Variants in CNTNAP2 observed in about 807,000 individuals in gnomAD.
CNTNAP2 encodes the protein contactin-associated protein-like 2.
CNTNAP2 carries 98 observed loss-of-function variants against 155.2 expected under a neutral mutation model. The ratio of observed to expected loss-of-function variants is 0.63; its 90% CI spans 0.54 to 0.75. The LOEUF (loss-of-function observed/expected upper bound fraction) is 0.75. Ranked by LOEUF, CNTNAP2 falls within the 30% of genes least tolerant of loss-of-function variation. The pLI, the probability that CNTNAP2 is intolerant of heterozygous loss-of-function variation, is 0.00. For synonymous variants in CNTNAP2, 651 were observed against 631.2 expected (o/e 1.03, Z -0.47); for missense variants, 1,727 against 1,688.1 (o/e 1.02, Z -0.40).
chr7:147,508,354 G>C (rs1199589646), intron 11 of CNTNAP2, among the ~76,000 whole-genome samples: 1 of 151,476 alleles, frequency 6.6e-6, no homozygotes, highest in Non-Finnish European at 1.5e-5. Context: ...ACTGAAGCCA[G>C]TAATCTAGCC....
At chr7:146,633,383 A>G (rs1799541284) in intron 1 of CNTNAP2, among the ~76,000 whole-genome samples, 1 of 152,170 alleles carries the variant, frequency 6.6e-6, no homozygotes, top group Admixed American at 6.5e-5. Flanking sequence ...GTACCATTCT[A>G]CAGCATTTCT....
chr7:146,248,669 G>A (rs954129731), intron 1 of CNTNAP2, among the ~76,000 whole-genome samples: 6 of 152,186 alleles, frequency 3.9e-5, no homozygotes, highest in Non-Finnish European at 7.3e-5. Context: ...GCTGCTTACC[G>A]GATTTTAAAT....
At chr7:147,342,617 C>G (rs907448437) in intron 9 of CNTNAP2, among the ~76,000 whole-genome samples, 3 of 152,224 alleles carry the variant, frequency 2.0e-5, no homozygotes, top group African/African-American at 7.2e-5. Context: ...CAGTGAAACC[C>G]GTAGCAATTT....
At chr7:147,927,401 A>G (rs1375746178) in intron 14 of CNTNAP2, among the ~76,000 whole-genome samples, 1 of 152,200 alleles carries the variant, frequency 6.6e-6, no homozygotes, top group Non-Finnish European at 1.5e-5. Flanking sequence ...ATTTAACCTA[A>G]GAGTTGTAAA....
At chr7:146,121,706 G>A (rs558991933) in intron 1 of CNTNAP2, among the ~76,000 whole-genome samples, 1 of 152,232 alleles carries the variant, frequency 6.6e-6, no homozygotes, top group African/African-American at 2.4e-5. Flanking sequence ...ATCTGTACCA[G>A]TATCTGAAAC....
At chr7:147,679,841 T>G (rs1027604650) in intron 13 of CNTNAP2, among the ~76,000 whole-genome samples, 1 of 151,916 alleles carries the variant, frequency 6.6e-6, no homozygotes, top group Non-Finnish European at 1.5e-5. Flanking sequence ...CAGAACTCCT[T>G]AAAAATAAAC....
chr7:147,284,933 T>C (rs1223471363), intron 8 of CNTNAP2, among the ~76,000 whole-genome samples: 1 of 151,866 alleles, frequency 6.6e-6, no homozygotes, highest in Non-Finnish European at 1.5e-5. Context: ...TGTAGAAGAA[T>C]AAGTAGTAGA....
intron 19 of CNTNAP2, among the ~76,000 whole-genome samples, chr7:148,222,557 T>TCTATGAATA (rs143336286): frequency 0.052 from 7,841 of 152,146 alleles, 251 homozygotes; most frequent in Middle Eastern, 0.11. Flanking sequence ...AATGGATCAT[T>TCTATGAATA]CCATGAATCT....
At chr7:147,501,319 G>A (rs1036623004) in intron 11 of CNTNAP2, among the ~76,000 whole-genome samples, 7 of 151,820 alleles carry the variant, frequency 4.6e-5, no homozygotes, top group African/African-American at 1.7e-4. Context: ...CAAGGATCAG[G>A]AAAAAGACAA....
At chr7:148,293,145 CTT>C in intron 21 of CNTNAP2, among the ~76,000 whole-genome samples, 2 of 152,162 alleles carry the variant, frequency 1.3e-5, no homozygotes, top group Middle Eastern at 3.4e-3. Flanking sequence ...CTAATGCTTT[CTT>C]TTTCTTTGTA....
chr7:146,307,064 T>G (rs939406498), intron 1 of CNTNAP2, among the ~76,000 whole-genome samples: 2 of 152,154 alleles, frequency 1.3e-5, no homozygotes, highest in Non-Finnish European at 2.9e-5. Flanking sequence ...GATGACATGA[T>G]TGTATATTTA....
At chr7:147,517,237 A>G (rs1799144087) in intron 11 of CNTNAP2, among the ~76,000 whole-genome samples, 1 of 152,090 alleles carries the variant, frequency 6.6e-6, no homozygotes. Context: ...AAAATTGTGA[A>G]ATGGGATCTG....
intron 8 of CNTNAP2, among the ~76,000 whole-genome samples, chr7:147,295,175 T>G (rs758813467): frequency 6.6e-6 from 1 of 152,090 alleles, no homozygotes; most frequent in Non-Finnish European, 1.5e-5. Flanking sequence ...CTGTATGAGA[T>G]ATGGCTATCC....
intron 13 of CNTNAP2, among the ~76,000 whole-genome samples, chr7:147,696,485 T>A (rs1011443486): frequency 6.6e-6 from 1 of 152,200 alleles, no homozygotes; most frequent in African/African-American, 2.4e-5. Context: ...CCCTCCTCCA[T>A]ATACATAGAG....
chr7:146,240,531 T>C (rs1799543785), intron 1 of CNTNAP2, among the ~76,000 whole-genome samples: 1 of 151,484 alleles, frequency 6.6e-6, no homozygotes, highest in African/African-American at 2.4e-5. Flanking sequence ...TAAATATATT[T>C]ATATATAAAT....
chr7:147,342,415 T>C (rs1795781015), intron 9 of CNTNAP2, among the ~76,000 whole-genome samples: 1 of 152,226 alleles, frequency 6.6e-6, no homozygotes, highest in African/African-American at 2.4e-5. Context: ...TTAATGATAA[T>C]AATGTTACAT....
At chr7:147,004,854 T>C (rs1798496428) in intron 3 of CNTNAP2, among the ~76,000 whole-genome samples, 1 of 152,036 alleles carries the variant, frequency 6.6e-6, no homozygotes, top group Non-Finnish European at 1.5e-5. Flanking sequence ...ACGAATCAAC[T>C]AGATAATATG....
At position 147,128,944 on chromosome 7, in the gene CNTNAP2, T is replaced by C; in HGVS notation, c.1083+108T>C. On this transcript the variant is annotated intron_variant, in intron 7 of 23. Coordinates refer to ENST00000361727, the MANE Select transcript of CNTNAP2 (RefSeq NM_014141.6). ...ATCATGACATTTTTCATCATATTTGTGTTTGGGCAAAATGATGTAAAACAA... is the reference window on the plus strand; with the variant it reads ...ATCATGACATTTTTCATCATATTTGCGTTTGGGCAAAATGATGTAAAACAA... 4.9e-6 allele frequency: 7 copies of C among 1,432,144 alleles called. No homozygotes were observed. In the South Asian group the frequency reaches 8.1e-5, roughly 17 times the overall value. The allele number at this position is 1,432,144 out of a possible 1,614,324, so 88.7% of individuals were successfully genotyped here. A position where few individuals can be genotyped will look rare whatever the true frequency, so the allele number is the denominator to read the frequency against.
intron 4 of CNTNAP2, among the ~76,000 whole-genome samples, chr7:147,103,120 G>T (rs1284376134): frequency 6.6e-6 from 1 of 152,132 alleles, no homozygotes; most frequent in Non-Finnish European, 1.5e-5. Context: ...AGAAATATGA[G>T]TGACAACATT....
Sources: gnomAD v4.1 joint callset for allele counts (sites outside exome capture counted in the v4.1 genomes callset) on GRCh38, gnomAD v4.1.1 for gene constraint, MANE v1.5 for transcripts, NCBI Gene and HGNC (gene_info 2026-07-23, HGNC 2026-07-21) for gene names.